Variants in KCNT1 observed in about 807,000 individuals in gnomAD.
KCNT1 encodes the protein potassium sodium-activated channel subfamily T member 1, also known as potassium channel subfamily T member 1.
KCNT1 carries 78 observed loss-of-function variants against 147.8 expected under a neutral mutation model. The observed-to-expected ratio is 0.53, with a 90% confidence interval of 0.44 to 0.64. KCNT1 has a LOEUF of 0.64. Among genes scored for constraint, KCNT1 ranks in the 30% least tolerant of loss-of-function variants. The pLI is 0.00. For missense variants in KCNT1, 1,419 were observed against 1,750.3 expected (o/e 0.81, Z 3.38); for synonymous variants, 867 against 748.8 (o/e 1.16, Z -2.58).
rs1007419018 is a variant in KCNT1 at position 135,778,412 on chromosome 9, C to A, written c.2523-12C>A. On this transcript the variant is annotated splice_polypyrimidine_tract_variant and intron_variant, in intron 21 of 30. Coordinates refer to ENST00000371757, the MANE Select transcript of KCNT1 (RefSeq NM_020822.3). ...AGCAGGGTGGGCCCCTCCAGGACCG[C>A]TGTCCCCACAGGCCCGACCACCACT... 2 of 1,550,296 alleles carry A rather than the reference C, an allele frequency of 1.3e-6. No homozygotes were observed. The highest frequency in any genetic ancestry group is 1.4e-5 in the African/African-American group (1 of 73,046).
chr9:135,747,608 G>A (rs983530009), intron 2 of KCNT1, among the ~76,000 whole-genome samples: 1 of 152,200 alleles, frequency 6.6e-6, no homozygotes. Flanking sequence ...TATGCAGGGA[G>A]GGGCCTCCCC....
chr9:135,720,760 T>C (rs773882991), intron 2 of KCNT1, among the ~76,000 whole-genome samples: 18 of 151,560 alleles, frequency 1.2e-4, no homozygotes, highest in Non-Finnish European at 2.5e-4. Flanking sequence ...GAGCCCAGAG[T>C]TTCTGCGTGA....
In KCNT1 at chr9:135,752,923, AT is replaced by A. The variant is rs1374580587; in HGVS notation, c.435-1013del. Among the ~76,000 whole-genome samples the A allele has an allele frequency of 1.3e-5, 2 of 148,254 alleles. No individual in the cohort carries two copies. The highest frequency in any genetic ancestry group is 1.3e-4 in the Admixed American group (2 of 14,968). On this transcript the variant is annotated intron_variant, in intron 4 of 30. Transcript: ENST00000371757. The surrounding 1 kb of genome is among the most constrained non-coding windows in gnomAD (Gnocchi z 5.1). ...GGAGGGATGAGTGGATGGATGATGG[AT>A]GGATGGATGGACAGATAAGTAGATG...
intron 2 of KCNT1, among the ~76,000 whole-genome samples, chr9:135,737,588 T>C (rs1830395530): frequency 6.6e-6 from 1 of 152,270 alleles, no homozygotes; most frequent in East Asian, 1.9e-4. Flanking sequence ...AGCCGGGGAC[T>C]CCTGGGGTGC....
intron 18 of KCNT1, among the ~76,000 whole-genome samples, chr9:135,771,925 C>T (rs1224720680): frequency 6.6e-6 from 1 of 152,208 alleles, no homozygotes; most frequent in Non-Finnish European, 1.5e-5. Flanking sequence ...GCACGCCCAC[C>T]CTGGGGTGTT....
intron 2 of KCNT1, among the ~76,000 whole-genome samples, chr9:135,724,878 C>A (rs56407258): frequency 0.022 from 3,375 of 152,356 alleles, 80 homozygotes; most frequent in African/African-American, 0.059. Flanking sequence ...AGATGGGCCC[C>A]CCACCACTGG....
chr9:135,754,055 G>A, intron 5 of KCNT1, 62 bp downstream of exon 5: 2 of 1,458,462 alleles, frequency 1.4e-6, no homozygotes, highest in Non-Finnish European at 1.9e-6. Flanking sequence ...AGGGTGGGGT[G>A]GGATGAGTCT....
At chr9:135,743,810 C>T (rs1220187269) in intron 2 of KCNT1, among the ~76,000 whole-genome samples, 1 of 152,242 alleles carries the variant, frequency 6.6e-6, no homozygotes, top group Non-Finnish European at 1.5e-5. Context: ...TCACCTGGGC[C>T]CCTGGCCAAG....
chr9:135,785,476 C>T (rs966083908), intron 28 of KCNT1, 146 bp downstream of exon 28: 11 of 998,180 alleles, frequency 1.1e-5, no homozygotes, highest in Non-Finnish European at 1.5e-5. Flanking sequence ...ACGGATGTGT[C>T]GGCCCCAGCA....
At chr9:135,704,092 AAAG>A (rs1235773069) in intron 1 of KCNT1, among the ~76,000 whole-genome samples, 2 of 152,204 alleles carry the variant, frequency 1.3e-5, no homozygotes, top group African/African-American at 4.8e-5. Context: ...TCAGCTGCAG[AAAG>A]AAGAACCTTC....
At position 135,757,474 on chromosome 9, in the gene KCNT1, C is replaced by A; in HGVS notation, c.759+93C>A. On this transcript the variant is annotated intron_variant, in intron 9 of 30. Coordinates refer to ENST00000371757, the MANE Select transcript of KCNT1 (RefSeq NM_020822.3). ...ACACTGTGCGACGTAGCCTGCCACG[C>A]CCCGGCCCTGGCATGACCTGTAGAG... 3 of 1,164,420 alleles carry A rather than the reference C, an allele frequency of 2.6e-6. 1 individual carries two copies. The South Asian group carries it at 3.8e-5, about 15-fold the overall frequency. 72.1% of individuals were successfully genotyped at this position (1,164,420 alleles called of 1,614,324 possible).
At chr9:135,771,919 G>A (rs1026717754) in intron 18 of KCNT1, among the ~76,000 whole-genome samples, 1 of 152,182 alleles carries the variant, frequency 6.6e-6, no homozygotes. Context: ...ACCCCAGCAC[G>A]CCCACCCTGG....
At position 135,792,113 on chromosome 9, in the gene KCNT1, C is replaced by T. The variant is rs868847760; in HGVS notation, c.3660C>T (p.His1220=). ...SSQSRKSSCS[H]KLSSCNPETR... ...AGAGCCGGAAGAGCAGCTGCAGCCACAAGCTGTCGTCCTGCAACCCCGAGA... is the reference window on the plus strand; with the variant it reads ...AGAGCCGGAAGAGCAGCTGCAGCCATAAGCTGTCGTCCTGCAACCCCGAGA... The change falls in exon 31 of 31, where the codon CAC becomes CAT. Residue 1220 remains histidine (H), a synonymous_variant. Transcript: ENST00000371757. 6.2e-7 allele frequency: 1 copy of T among 1,605,760 alleles called. No homozygotes were observed. Among genetic ancestry groups the T allele is most frequent in the Non-Finnish European group, 8.5e-7 (1 of 1,179,596 alleles).
chr9:135,757,035 C>A, intron 7 of KCNT1, 103 bp downstream of exon 7: 1 of 1,120,198 alleles, frequency 8.9e-7, no homozygotes, highest in Non-Finnish European at 1.3e-6. Context: ...CCCACACTTC[C>A]CAGCCTCATC....
chr9:135,764,847 C>T (rs990362303), intron 11 of KCNT1, among the ~76,000 whole-genome samples, 184 bp from the exon 12 acceptor site: 33 of 152,162 alleles, frequency 2.2e-4, no homozygotes, highest in African/African-American at 6.8e-4. Flanking sequence ...TGCTCTGTGT[C>T]ATCTGAGGCT....
intron 9 of KCNT1, 95 bp from the exon 10 acceptor site, chr9:135,758,319 G>A: frequency 1.1e-6 from 1 of 937,432 alleles, no homozygotes; most frequent in Admixed American, 1.8e-5. Context: ...GTGTGGCCGG[G>A]CCGTCTGCTT....
chr9:135,750,296 C>A, intron 3 of KCNT1, 119 bp downstream of exon 3: 1 of 790,778 alleles, frequency 1.3e-6, no homozygotes, highest in South Asian at 1.5e-5. Context: ...GGGGTGGGAG[C>A]CACCTGAGTG....
At chr9:135,753,077 GATGAGTGGATGGATGGAGGA>G (rs58761255) in intron 4 of KCNT1, among the ~76,000 whole-genome samples, 5 of 145,760 alleles carry the variant, frequency 3.4e-5, no homozygotes, top group South Asian at 2.3e-4. Context: ...GGGATGGATG[GATGAGTGGATGGATGGAGGA>G]ATGAGTGGAT....
intron 2 of KCNT1, among the ~76,000 whole-genome samples, chr9:135,741,369 A>ACCCGCTGCC (rs1830560643): frequency 6.6e-6 from 1 of 152,128 alleles, no homozygotes; most frequent in East Asian, 1.9e-4. Context: ...GGCCAGGCAG[A>ACCCGCTGCC]CCCGCTGCCA....
Sources: gnomAD v4.1 joint callset for allele counts (sites outside exome capture counted in the v4.1 genomes callset) on GRCh38, gnomAD v4.1.1 for gene constraint, Gnocchi (gnomAD v3.1) non-coding constraint, MANE v1.5 for transcripts, NCBI Gene and HGNC (gene_info 2026-07-23, HGNC 2026-07-21) for gene names.